PCDHGA4: variants seen among roughly 807,000 people sequenced by gnomAD.
The protein encoded by PCDHGA4 is protocadherin gamma-A4.
Under a neutral mutation model 54.6 loss-of-function variants are expected in PCDHGA4, and 38 were observed. That is an observed-to-expected ratio of 0.70 (90% CI 0.54 to 0.91). The LOEUF is 0.91. Among genes scored for constraint, PCDHGA4 ranks in the 40% least tolerant of loss-of-function variants. The probability of loss-of-function intolerance (pLI) is 0.00; values close to 1 mark genes in which losing one functional copy is unlikely to be tolerated. For missense variants in PCDHGA4, 1,298 were observed against 1,220.9 expected (o/e 1.06, Z -0.94); for synonymous variants, 511 against 512.9 (o/e 1.00, Z 0.05).
At position 141,404,150 on chromosome 5, in the gene PCDHGA4, G is replaced by A. The variant is rs1325217999; in HGVS notation, c.2514+46529G>A. ...TTTTACATTAGAAAATTCAGAAGAA[G>A]ATTATTACAGATTGTTGACGGCCCA... is the stretch of plus-strand genomic sequence containing the variant. On this transcript the variant is annotated intron_variant, in intron 1 of 3. Coordinates refer to ENST00000571252, the MANE Select transcript of PCDHGA4 (RefSeq NM_018917.4). 5.0e-6 allele frequency: 8 copies of A among 1,612,830 alleles called. 1 individual carries two copies. In the Middle Eastern group the frequency reaches 6.6e-4, roughly 133 times the overall value.
Position 141,486,266 on chromosome 5 carries a change from C to G in PCDHGA4, c.2515-8541C>G, listed in dbSNP as rs1311684194. On this transcript the variant is annotated intron_variant, in intron 1 of 3. Transcript: ENST00000571252. The surrounding 1 kb of genome is among the most constrained non-coding windows in gnomAD (Gnocchi z 5.0). Reference sequence around the variant, plus strand: ...TGGAACCCTCCCCGAGAGTGCAGAACCTGGCACTGTGGTGGCACTTATCAG... The same window carrying G: ...TGGAACCCTCCCCGAGAGTGCAGAAGCTGGCACTGTGGTGGCACTTATCAG... 1 of 1,614,098 alleles carries G rather than the reference C, an allele frequency of 6.2e-7. No individual in the cohort carries two copies.
intron 2 of PCDHGA4, among the ~76,000 whole-genome samples, chr5:141,495,902 C>T (rs749735668): frequency 2.6e-5 from 4 of 152,120 alleles, no homozygotes; most frequent in Non-Finnish European, 2.9e-5. Context: ...TTGTCTCTGT[C>T]TCTGTATATC....
chr5:141,383,734 T>C (rs1249029357), intron 1 of PCDHGA4: 2 of 1,613,994 alleles, frequency 1.2e-6, no homozygotes, highest in East Asian at 4.5e-5. Context: ...GGAAGTGACA[T>C]ATTCTTTTCG....
chr5:141,464,640 C>T (rs1482089475), intron 1 of PCDHGA4, among the ~76,000 whole-genome samples: 2 of 151,952 alleles, frequency 1.3e-5, no homozygotes, highest in Admixed American at 6.6e-5. Context: ...TTGTTGCCAA[C>T]CTGATGGGTA....
At chr5:141,358,383 C>T (rs1020680393) in intron 1 of PCDHGA4, among the ~76,000 whole-genome samples, 2 of 152,124 alleles carry the variant, frequency 1.3e-5, no homozygotes, top group Admixed American at 6.5e-5. Flanking sequence ...CTCTACCATG[C>T]TTTGCTTGAA....
In PCDHGA4 at chr5:141,393,997, A is replaced by G. The variant is rs375314377; in HGVS notation, c.2514+36376A>G. ...CGTGATAATTTACCTTTTAAATTAG[A>G]AAAGTCAATAGGTAATTATTATAGA... On this transcript the variant is annotated intron_variant, in intron 1 of 3. Coordinates refer to ENST00000571252, the MANE Select transcript of PCDHGA4 (RefSeq NM_018917.4). 7.4e-6 allele frequency: 12 copies of G among 1,613,330 alleles called. 1 individual carries two copies. The African/African-American group carries it at 8.0e-5, about 11-fold the overall frequency.
chr5:141,386,113 A>G (rs187458187), intron 1 of PCDHGA4: 12 of 152,338 alleles, frequency 7.9e-5, no homozygotes, highest in Admixed American at 2.0e-4. Context: ...TGGGCTATCA[A>G]AGTGGGAGAT....
intron 1 of PCDHGA4, among the ~76,000 whole-genome samples, chr5:141,433,995 CT>C (rs2097669147): frequency 2.6e-5 from 4 of 152,028 alleles, no homozygotes; most frequent in Admixed American, 2.0e-4. Flanking sequence ...GTTTTATATT[CT>C]CTATATATGT....
Position 141,511,334 on chromosome 5 carries a change from C to A in PCDHGA4, c.*161C>A. 7.0e-7 allele frequency: 1 copy of A among 1,438,700 alleles called. No homozygotes were observed. Among genetic ancestry groups the A allele is most frequent in the Non-Finnish European group, 9.2e-7 (1 of 1,083,314 alleles). 89.1% of individuals were successfully genotyped at this position (1,438,700 alleles called of 1,614,324 possible). On this transcript the variant is annotated 3_prime_UTR_variant, in exon 4 of 4. Coordinates refer to ENST00000571252, the MANE Select transcript of PCDHGA4 (RefSeq NM_018917.4). ...GAAACAGAAACAAGTGCCCAGTCAG[C>A]ACCTACCCCTTCCCCCCCAGGGGGT...
intron 1 of PCDHGA4, chr5:141,364,256 A>G (rs949451057): frequency 6.7e-6 from 10 of 1,494,914 alleles, no homozygotes; most frequent in Non-Finnish European, 8.9e-6. Flanking sequence ...GGGAATATGT[A>G]CCCATCGGCT....
intron 1 of PCDHGA4, chr5:141,366,432 C>T (rs1250180313): frequency 3.7e-6 from 6 of 1,614,064 alleles, no homozygotes; most frequent in South Asian, 1.1e-5. Context: ...GCTGCAGTCT[C>T]CTGCGTCTTC....
At chr5:141,360,621 T>G (rs1374902225) in intron 1 of PCDHGA4, 2 of 1,613,908 alleles carry the variant, frequency 1.2e-6, no homozygotes, top group Non-Finnish European at 1.7e-6. Context: ...ATTCAGATGT[T>G]GGTCCTAACT....
At chr5:141,434,119 C>T (rs2097673106) in intron 1 of PCDHGA4, among the ~76,000 whole-genome samples, 1 of 152,180 alleles carries the variant, frequency 6.6e-6, no homozygotes, top group Non-Finnish European at 1.5e-5. Flanking sequence ...GCCTTTGGGA[C>T]TCCCTTTAGG....
In PCDHGA4 at chr5:141,477,891, G is replaced by T. The variant is rs750359063; in HGVS notation, c.2515-16916G>T. 10 of 1,614,066 alleles carry T rather than the reference G, an allele frequency of 6.2e-6. No individual in the cohort carries two copies. The African/African-American group carries it at 1.2e-4, about 19-fold the overall frequency. ...ACCTCAGCTGGCCACCTAGTGTCAC[G>T]GGTGGTAGGCTGGGACGCGGATGCA... is the stretch of plus-strand genomic sequence containing the variant. On this transcript the variant is annotated intron_variant, in intron 1 of 3. Coordinates refer to ENST00000571252, the MANE Select transcript of PCDHGA4 (RefSeq NM_018917.4). This position sits in a 1 kb window ranked among gnomAD's most constrained non-coding sequence, Gnocchi z 4.9.
At chr5:141,451,653 G>A (rs1440576814) in intron 1 of PCDHGA4, among the ~76,000 whole-genome samples, 2 of 152,166 alleles carry the variant, frequency 1.3e-5, no homozygotes, top group Non-Finnish European at 2.9e-5. Context: ...AGGCCAAGGA[G>A]GGTGGACTGC....
intron 1 of PCDHGA4, among the ~76,000 whole-genome samples, chr5:141,470,385 T>C (rs1278833959): frequency 1.3e-5 from 2 of 152,206 alleles, no homozygotes; most frequent in Non-Finnish European, 2.9e-5. Flanking sequence ...GACTACTCGA[T>C]GATATTTAGG....
intron 1 of PCDHGA4, chr5:141,383,093 G>T (rs1778804581): frequency 1.2e-5 from 20 of 1,613,930 alleles, no homozygotes; most frequent in Non-Finnish European, 1.7e-5. Flanking sequence ...CGCGGAGTCC[G>T]CATCATCTCC....
intron 1 of PCDHGA4, chr5:141,415,641 TA>T (rs113784532): frequency 0.022 from 22,367 of 1,034,442 alleles, 38 homozygotes; most frequent in Admixed American, 0.045. Context: ...TTACTTTTGT[TA>T]AAAAAAAAAA....
In PCDHGA4 at chr5:141,370,820, C is replaced by T. The variant is rs140287572; in HGVS notation, c.2514+13199C>T. On this transcript the variant is annotated intron_variant, in intron 1 of 3. Coordinates refer to ENST00000571252, the MANE Select transcript of PCDHGA4 (RefSeq NM_018917.4). ...GCCAAAATATCACTGAGCTGGAAATCAGCGAACTGGCTCTCACTGGAGCCA... is the reference window on the plus strand; with the variant it reads ...GCCAAAATATCACTGAGCTGGAAATTAGCGAACTGGCTCTCACTGGAGCCA... 7 of 1,614,062 alleles carry T rather than the reference C, an allele frequency of 4.3e-6. No homozygotes were observed. The African/African-American group carries it at 5.3e-5, about 12-fold the overall frequency.
Sources: gnomAD v4.1 joint callset for allele counts (sites outside exome capture counted in the v4.1 genomes callset) on GRCh38, gnomAD v4.1.1 for gene constraint, Gnocchi (gnomAD v3.1) non-coding constraint, MANE v1.5 for transcripts, NCBI Gene and HGNC (gene_info 2026-07-23, HGNC 2026-07-21) for gene names.